TNIK: variants seen among roughly 807,000 people sequenced by gnomAD.
TNIK encodes TRAF2 and NCK interacting kinase.
A neutral mutation model predicts 191.3 loss-of-function variants in TNIK; 49 were observed. The observed-to-expected ratio is 0.26, with a 90% CI of 0.20 to 0.32. The LOEUF (loss-of-function observed/expected upper bound fraction) is 0.32, where lower values mean the gene tolerates loss of function less well. Ranked by LOEUF, TNIK falls within the 10% of genes least tolerant of loss-of-function variation. The pLI is 1.00. For missense variants in TNIK, 1,155 were observed against 1,702.3 expected (o/e 0.68, Z 5.66); for synonymous variants, 594 against 600.9 (o/e 0.99, Z 0.17).
At chr3:171,208,030 G>A (rs2108898059) in intron 4 of TNIK, among the ~76,000 whole-genome samples, 1 of 152,280 alleles carries the variant, frequency 6.6e-6, no homozygotes, top group Non-Finnish European at 1.5e-5. Flanking sequence ...TTCAGATGCT[G>A]AACTTAAGAG....
At chr3:171,172,590 C>T (rs560354287) in intron 9 of TNIK, among the ~76,000 whole-genome samples, 2 of 152,290 alleles carry the variant, frequency 1.3e-5, no homozygotes, top group East Asian at 3.9e-4. Flanking sequence ...GAAATGGGAG[C>T]CATGTCTGCT....
chr3:171,260,736 TTA>T (rs1434998314), intron 2 of TNIK, among the ~76,000 whole-genome samples: 1 of 152,190 alleles, frequency 6.6e-6, no homozygotes, highest in African/African-American at 2.4e-5. Flanking sequence ...ACTTCAGTGT[TTA>T]GTTTAAACAA....
chr3:171,206,619 G>A (rs1296410919), intron 4 of TNIK, among the ~76,000 whole-genome samples: 3 of 152,172 alleles, frequency 2.0e-5, no homozygotes, highest in African/African-American at 7.2e-5. Context: ...GGCTTTCACA[G>A]AACTTCCAAC....
At chr3:171,305,406 C>G (rs191469559) in intron 2 of TNIK, among the ~76,000 whole-genome samples, 46 of 152,264 alleles carry the variant, frequency 3.0e-4, no homozygotes, top group South Asian at 8.3e-4. Context: ...GCAAAAGAAA[C>G]TATCAGCAGA....
At chr3:171,113,340 T>G (rs770162641) in intron 18 of TNIK, among the ~76,000 whole-genome samples, 10 of 152,196 alleles carry the variant, frequency 6.6e-5, no homozygotes, top group Non-Finnish European at 1.2e-4. Flanking sequence ...GCACGGTGGC[T>G]CACGCCTGTA....
At chr3:171,133,526 T>G (rs1451083837) in intron 15 of TNIK, among the ~76,000 whole-genome samples, 1 of 152,208 alleles carries the variant, frequency 6.6e-6, no homozygotes, top group Non-Finnish European at 1.5e-5. Context: ...CCCATGAGCT[T>G]CCCAATTGTG....
intron 15 of TNIK, among the ~76,000 whole-genome samples, chr3:171,136,150 T>C (rs79343533): frequency 7.9e-5 from 12 of 152,332 alleles, no homozygotes; most frequent in African/African-American, 1.4e-4. Context: ...TTGCACAACA[T>C]AATGATCTTT....
intron 12 of TNIK, among the ~76,000 whole-genome samples, chr3:171,144,154 T>C (rs74808893): frequency 0.011 from 1,690 of 152,356 alleles, 29 homozygotes; most frequent in African/African-American, 0.039. Flanking sequence ...CCTAGAAGTA[T>C]ATTTTCATCC....
At chr3:171,218,951 A>C (rs1226093785) in intron 3 of TNIK, among the ~76,000 whole-genome samples, 7 of 130,542 alleles carry the variant, frequency 5.4e-5, no homozygotes, top group African/African-American at 2.0e-4. Context: ...TTTAATATAT[A>C]ATAAATATTA....
rs1009873532 is a variant in TNIK at position 171,367,624 on chromosome 3, T to C, written c.123+1996A>G. ...AGCTGAGATTACAGGTGCATGCCAC[T>C]ACCACCTGGCTAATTTTTGTATTTT... is the stretch of plus-strand genomic sequence containing the variant. On this transcript the variant is annotated intron_variant, in intron 2 of 32. Transcript: ENST00000436636. 3.7e-4 allele frequency among the ~76,000 whole-genome samples: 56 copies of C among 152,200 alleles called. 1 individual carries two copies. Among genetic ancestry groups the C allele is most frequent in the African/African-American group, 1.3e-3 (54 of 41,538 alleles).
chr3:171,179,881 C>T (rs1367203278), intron 7 of TNIK, among the ~76,000 whole-genome samples: 1 of 152,202 alleles, frequency 6.6e-6, no homozygotes, highest in South Asian at 2.1e-4. Context: ...GGTGGGTTGG[C>T]TCTTAAGGTC....
At chr3:171,454,437 G>T (rs926000525) in intron 1 of TNIK, among the ~76,000 whole-genome samples, 1 of 152,144 alleles carries the variant, frequency 6.6e-6, no homozygotes, top group Non-Finnish European at 1.5e-5. Context: ...AATGTACTGG[G>T]TACTCTCTCA....
intron 2 of TNIK, among the ~76,000 whole-genome samples, chr3:171,280,679 AATG>A (rs1419326813): frequency 6.6e-6 from 1 of 152,058 alleles, no homozygotes; most frequent in Non-Finnish European, 1.5e-5. Context: ...TATCCAAAAG[AATG>A]ATCTTTCAGA....
intron 18 of TNIK, among the ~76,000 whole-genome samples, chr3:171,117,642 A>T (rs1464259123): frequency 6.6e-6 from 1 of 152,224 alleles, no homozygotes; most frequent in African/African-American, 2.4e-5. Context: ...TGATGCCTGC[A>T]TAGCTGTACC....
chr3:171,235,314 T>C (rs1006744260), intron 2 of TNIK, among the ~76,000 whole-genome samples: 3 of 152,190 alleles, frequency 2.0e-5, no homozygotes, highest in Non-Finnish European at 4.4e-5. Context: ...AGTGCTGGGA[T>C]TACAGGCATG....
chr3:171,102,158 C>T (rs186176843), intron 21 of TNIK: 1 of 152,190 alleles, frequency 6.6e-6, no homozygotes, highest in Non-Finnish European at 1.5e-5. Flanking sequence ...TCATCATTCC[C>T]TGGAGAATGG....
At chr3:171,146,698 T>C (rs1731640018) in intron 12 of TNIK, among the ~76,000 whole-genome samples, 1 of 152,084 alleles carries the variant, frequency 6.6e-6, no homozygotes, top group Non-Finnish European at 1.5e-5. Flanking sequence ...GACACCAGCC[T>C]GGCCAACATG....
intron 1 of TNIK, among the ~76,000 whole-genome samples, chr3:171,375,463 A>C (rs1297460655): frequency 6.6e-6 from 1 of 152,218 alleles, no homozygotes; most frequent in East Asian, 1.9e-4. Flanking sequence ...TTTAAAAATT[A>C]GTTAGACAAT....
chr3:171,102,860 A>G (rs1175595246), intron 21 of TNIK, among the ~76,000 whole-genome samples: 1 of 152,232 alleles, frequency 6.6e-6, no homozygotes, highest in African/African-American at 2.4e-5. Flanking sequence ...AAAAGCTGTG[A>G]TAAATGTGTA....
Sources: gnomAD v4.1 joint callset for allele counts (sites outside exome capture counted in the v4.1 genomes callset) on GRCh38, gnomAD v4.1.1 for gene constraint, MANE v1.5 for transcripts, NCBI Gene and HGNC (gene_info 2026-07-23, HGNC 2026-07-21) for gene names.